The following SLC29A3 variants were observed in gnomAD, a reference collection of about 807,000 sequenced individuals.
The protein encoded by SLC29A3 is equilibrative nucleoside transporter 3.
A neutral mutation model predicts 25.4 loss-of-function variants in SLC29A3; 18 were observed. That is an observed-to-expected ratio of 0.71 (90% confidence interval 0.49 to 1.05). The LOEUF (loss-of-function observed/expected upper bound fraction) is 1.05. SLC29A3 is among the 50% of genes least tolerant of loss of function. The pLI is 0.00. For synonymous variants in SLC29A3, 258 were observed against 267.1 expected (o/e 0.97, Z 0.33); for missense variants, 586 against 609.0 (o/e 0.96, Z 0.40).
chr10:71,351,176 G>C (rs945949407), intron 3 of SLC29A3, among the ~76,000 whole-genome samples: 3 of 152,206 alleles, frequency 2.0e-5, no homozygotes, highest in African/African-American at 7.2e-5. Flanking sequence ...AAGAGCAGGG[G>C]TTTGCCTTGA....
intron 2 of SLC29A3, among the ~76,000 whole-genome samples, chr10:71,339,747 C>G (rs1219893601): frequency 1.3e-5 from 2 of 152,226 alleles, no homozygotes; most frequent in African/African-American, 4.8e-5. Flanking sequence ...GGGAATGTTT[C>G]TCTCCCCACT....
chr10:71,323,833 C>T (rs538669692), intron 2 of SLC29A3, among the ~76,000 whole-genome samples: 57 of 152,200 alleles, frequency 3.7e-4, no homozygotes, highest in South Asian at 1.0e-3. Flanking sequence ...GGCTGGGCAA[C>T]GGCAGAATGG....
At chr10:71,325,505 C>T (rs1406491449) in intron 2 of SLC29A3, among the ~76,000 whole-genome samples, 1 of 152,180 alleles carries the variant, frequency 6.6e-6, no homozygotes, top group African/African-American at 2.4e-5. Context: ...GGGGTGTGAA[C>T]ATTGATATGT....
intron 5 of SLC29A3, among the ~76,000 whole-genome samples, chr10:71,361,504 G>T (rs1437583145): frequency 1.3e-5 from 2 of 152,244 alleles, no homozygotes; most frequent in African/African-American, 4.8e-5. Flanking sequence ...GAAATCAGAA[G>T]TGGGAAGAGG....
chr10:71,372,202 GA>G (rs1273759033), intron 3 of SLC29A3, among the ~76,000 whole-genome samples: 6 of 152,170 alleles, frequency 3.9e-5, no homozygotes, highest in Non-Finnish European at 8.8e-5. Context: ...GATTTCCAGA[GA>G]AATAGAGGAA....
At chr10:71,359,579 G>A (rs1023563477) in intron 5 of SLC29A3, among the ~76,000 whole-genome samples, 1 of 152,212 alleles carries the variant, frequency 6.6e-6, no homozygotes, top group African/African-American at 2.4e-5. Flanking sequence ...TCACTGAAGA[G>A]TGATTCTGGA....
At chr10:71,327,404 G>T (rs1845997172) in intron 2 of SLC29A3, among the ~76,000 whole-genome samples, 1 of 152,166 alleles carries the variant, frequency 6.6e-6, no homozygotes, top group African/African-American at 2.4e-5. Context: ...CATAAATGAG[G>T]AAGAATTGAT....
At chr10:71,336,325 A>G (rs1359818766) in intron 2 of SLC29A3, among the ~76,000 whole-genome samples, 2 of 152,110 alleles carry the variant, frequency 1.3e-5, no homozygotes, top group African/African-American at 4.8e-5. Context: ...GTAGACATGA[A>G]TTTTGGGGGC....
intron 3 of SLC29A3, among the ~76,000 whole-genome samples, chr10:71,373,905 T>C (rs1246007542): frequency 2.0e-5 from 3 of 152,208 alleles, no homozygotes; most frequent in African/African-American, 7.2e-5. Flanking sequence ...ACTTATAGGT[T>C]GGGATATCTA....
chr10:71,324,350 G>A (rs1008079702), intron 2 of SLC29A3, among the ~76,000 whole-genome samples: 1 of 152,170 alleles, frequency 6.6e-6, no homozygotes, highest in African/African-American at 2.4e-5. Flanking sequence ...TATACAGAGG[G>A]CCGACATTTC....
intron 5 of SLC29A3, among the ~76,000 whole-genome samples, chr10:71,356,639 C>T (rs1846921789): frequency 6.6e-6 from 1 of 151,964 alleles, no homozygotes. Flanking sequence ...CCATTCTGGG[C>T]AACACAGTGA....
chr10:71,355,651 G>A (rs988418661), intron 4 of SLC29A3, among the ~76,000 whole-genome samples: 1 of 152,200 alleles, frequency 6.6e-6, no homozygotes, highest in African/African-American at 2.4e-5. Flanking sequence ...AGTTTGGTTG[G>A]TGGGTACTTT....
chr10:71,327,344 C>A (rs886367226), intron 2 of SLC29A3, among the ~76,000 whole-genome samples: 3 of 152,112 alleles, frequency 2.0e-5, no homozygotes, highest in Admixed American at 2.0e-4. Context: ...TAAGAACCTC[C>A]AATAAATATA....
chr10:71,332,078 A>G (rs571525517), intron 2 of SLC29A3, among the ~76,000 whole-genome samples: 3 of 151,754 alleles, frequency 2.0e-5, no homozygotes, highest in African/African-American at 7.3e-5. Flanking sequence ...AAATGGAAAC[A>G]ATGTTTAGAC....
intron 1 of SLC29A3, among the ~76,000 whole-genome samples, chr10:71,320,019 T>C (rs1374485093): frequency 6.6e-6 from 1 of 152,238 alleles, no homozygotes; most frequent in African/African-American, 2.4e-5. Flanking sequence ...TATTTTTTAA[T>C]CCAGAAGCCA....
At chr10:71,347,809 G>C (rs1166290099) in intron 3 of SLC29A3, among the ~76,000 whole-genome samples, 1 of 152,174 alleles carries the variant, frequency 6.6e-6, no homozygotes, top group Non-Finnish European at 1.5e-5. Context: ...CCTCCTCTCT[G>C]ATTCCTCCCC....
downstream of SLC29A3, chr10:71,364,429 A>C (rs957205989): frequency 6.6e-6 from 1 of 152,096 alleles, no homozygotes; most frequent in African/African-American, 2.4e-5. Context: ...ATGAAGAGTA[A>C]TTTATATTTT....
chr10:71,361,337 AT>A (rs1475247657), intron 5 of SLC29A3, among the ~76,000 whole-genome samples: 2 of 151,908 alleles, frequency 1.3e-5, no homozygotes, highest in Non-Finnish European at 2.9e-5. Flanking sequence ...TATTATCGTC[AT>A]TTTTGTAGAG....
Position 71,362,707 on chromosome 10 carries a change from T to C in SLC29A3, c.*99T>C, listed in dbSNP as rs985710351. The C allele has an allele frequency of 3.3e-6, 5 of 1,525,040 alleles. No individual in the cohort carries two copies. The highest frequency in any genetic ancestry group is 1.4e-5 in the African/African-American group (1 of 73,326). The allele number at this position is 1,525,040 out of a possible 1,614,324, so 94.5% of individuals were successfully genotyped here. Reference sequence around the variant, plus strand: ...ATGGAGGAAAGGCCTAAAGTTTCACTTGGGGACAGAGAGCAGAGCACACTC... The same window carrying C: ...ATGGAGGAAAGGCCTAAAGTTTCACCTGGGGACAGAGAGCAGAGCACACTC... On this transcript the variant is annotated 3_prime_UTR_variant, in exon 6 of 6. Transcript: ENST00000373189.
Sources: gnomAD v4.1 joint callset for allele counts (sites outside exome capture counted in the v4.1 genomes callset) on GRCh38, gnomAD v4.1.1 for gene constraint, MANE v1.5 for transcripts, NCBI Gene and HGNC (gene_info 2026-07-23, HGNC 2026-07-21) for gene names.